Variants in VEPH1 observed in about 807,000 individuals in gnomAD.
The protein encoded by VEPH1 is ventricular zone expressed PH domain containing 1, also known as ventricular zone-expressed PH domain-containing protein homolog 1.
Under a neutral mutation model 85.2 loss-of-function variants are expected in VEPH1, and 80 were observed. That is an observed-to-expected ratio of 0.94 (90% CI 0.78 to 1.13). The LOEUF is 1.13. VEPH1 is among the 50% of genes most tolerant of loss of function. The pLI, the probability that VEPH1 is intolerant of heterozygous loss-of-function variation, is 0.00. For synonymous variants in VEPH1, 297 were observed against 348.0 expected, an observed-to-expected ratio of 0.85 and a Z score of 1.63; for missense variants, 955 against 980.5, an observed-to-expected ratio of 0.97 and a Z score of 0.35.
chr3:157,321,854 TCTCCTAGATTG>T (rs1172010472), intron 9 of VEPH1, among the ~76,000 whole-genome samples: 1 of 152,174 alleles, frequency 6.6e-6, no homozygotes, highest in Non-Finnish European at 1.5e-5. Flanking sequence ...ATTAACTTTC[TCTCCTAGATTG>T]TGAGCTCCAT....
chr3:157,437,926 A>G (rs907048199), intron 4 of VEPH1: 176 of 1,528,250 alleles, frequency 1.2e-4, no homozygotes, highest in Non-Finnish European at 1.4e-4. Flanking sequence ...TAAGGAGGCA[A>G]GCGGGGCCGG....
chr3:157,301,362 T>C (rs1318856372), intron 11 of VEPH1, among the ~76,000 whole-genome samples: 1 of 152,120 alleles, frequency 6.6e-6, no homozygotes. Context: ...AATAACCTTT[T>C]TTTGTTTTGT....
At chr3:157,453,442 C>T (rs908301593) in intron 4 of VEPH1, among the ~76,000 whole-genome samples, 2 of 151,996 alleles carry the variant, frequency 1.3e-5, no homozygotes, top group African/African-American at 2.4e-5. Flanking sequence ...ATGATATAAT[C>T]GGTATAAATG....
intron 11 of VEPH1, among the ~76,000 whole-genome samples, chr3:157,304,481 A>G (rs1719244669): frequency 6.6e-6 from 1 of 152,092 alleles, no homozygotes; most frequent in Non-Finnish European, 1.5e-5. Flanking sequence ...TAATCCTTCA[A>G]TCAACTTTGT....
chr3:157,425,294 G>A (rs1447779798), intron 5 of VEPH1, among the ~76,000 whole-genome samples: 2 of 152,246 alleles, frequency 1.3e-5, no homozygotes, highest in Admixed American at 6.5e-5. Context: ...GAAGTTTGCT[G>A]CAGGGGTAGG....
At chr3:157,437,891 C>A (rs1293240381) in intron 4 of VEPH1, 1 of 1,520,088 alleles carries the variant, frequency 6.6e-7, no homozygotes, top group Non-Finnish European at 8.8e-7. Context: ...CAGGGCTGGG[C>A]TGCCCGGAGC....
intron 2 of VEPH1, among the ~76,000 whole-genome samples, chr3:157,485,686 T>C (rs1189864453): frequency 6.6e-6 from 1 of 151,682 alleles, no homozygotes; most frequent in Non-Finnish European, 1.5e-5. Flanking sequence ...TAAGTATGAG[T>C]TGACTAAATT....
At chr3:157,382,989 C>G (rs905992094) in intron 6 of VEPH1, among the ~76,000 whole-genome samples, 1 of 152,016 alleles carries the variant, frequency 6.6e-6, no homozygotes, top group African/African-American at 2.4e-5. Context: ...TGCCACCACA[C>G]TCAGCTATTT....
At chr3:157,321,312 T>C (rs886367395) in intron 9 of VEPH1, among the ~76,000 whole-genome samples, 2 of 152,118 alleles carry the variant, frequency 1.3e-5, no homozygotes, top group Non-Finnish European at 2.9e-5. Flanking sequence ...CATGAATATG[T>C]TTGCTGAAAC....
rs781622290 is a variant in VEPH1, at chr3:157,470,313, C to T, written c.354+1G>A. The stretch of plus-strand genomic sequence containing the variant: ...TAGCCTGATGTTGAACACTGACATA[C>T]CTGTAAAATGCAACTCATGATATCA... On this transcript the variant is annotated splice_donor_variant, in intron 3 of 13. Transcript: ENST00000362010. LOFTEE classifies it high-confidence loss of function. 12 of 1,613,836 alleles carry T rather than the reference C, an allele frequency of 7.4e-6. No individual in the cohort carries two copies. In the East Asian group the frequency reaches 1.3e-4, roughly 18 times the overall value.
intron 12 of VEPH1, among the ~76,000 whole-genome samples, chr3:157,270,801 A>G (rs1714447555): frequency 6.6e-6 from 1 of 152,080 alleles, no homozygotes; most frequent in Non-Finnish European, 1.5e-5. Context: ...CATCTAGGGA[A>G]GATATGGCAT....
intron 12 of VEPH1, among the ~76,000 whole-genome samples, chr3:157,268,584 T>C (rs1648553143): frequency 6.6e-6 from 1 of 152,190 alleles, no homozygotes; most frequent in South Asian, 2.1e-4. Flanking sequence ...TAAATTACAA[T>C]TTTCTAATCA....
chr3:157,347,302 G>T (rs991322490), intron 9 of VEPH1, among the ~76,000 whole-genome samples: 1 of 152,154 alleles, frequency 6.6e-6, no homozygotes, highest in Non-Finnish European at 1.5e-5. Context: ...AGTCTTAACT[G>T]TCTACATTTC....
At chr3:157,437,992 C>A in intron 4 of VEPH1, 1 of 1,478,318 alleles carries the variant, frequency 6.8e-7, no homozygotes, top group Non-Finnish European at 8.9e-7. Flanking sequence ...CCAAGCCAGG[C>A]AACCTTCTAG....
intron 6 of VEPH1, among the ~76,000 whole-genome samples, chr3:157,409,479 C>T (rs558261667): frequency 6.6e-6 from 1 of 152,256 alleles, no homozygotes; most frequent in South Asian, 2.1e-4. Flanking sequence ...ATGGCCTCCA[C>T]AGTGACACAA....
chr3:157,380,350 AC>A (rs759405181), intron 7 of VEPH1, among the ~76,000 whole-genome samples: 91 of 152,328 alleles, frequency 6.0e-4, no homozygotes, highest in Non-Finnish European at 1.0e-3. Flanking sequence ...ACAAAGCTCC[AC>A]AATCACTCCT....
At chr3:157,437,983 C>CAAGCCAGGCAACCT in intron 4 of VEPH1, 20 of 1,491,956 alleles carry the variant, frequency 1.3e-5, no homozygotes, top group Non-Finnish European at 1.8e-5. Flanking sequence ...AACGGCAAGC[C>CAAGCCAGGCAACCT]AAGCCAGGCA....
chr3:157,323,044 A>C (rs1248648237), intron 9 of VEPH1, among the ~76,000 whole-genome samples: 3 of 152,214 alleles, frequency 2.0e-5, no homozygotes, highest in African/African-American at 7.2e-5. Flanking sequence ...AAAAAAATGG[A>C]AGAAGGCATC....
chr3:157,315,383 T>TA (rs1720639407), intron 10 of VEPH1, among the ~76,000 whole-genome samples: 1 of 152,062 alleles, frequency 6.6e-6, no homozygotes, highest in African/African-American at 2.4e-5. Context: ...ATTATTATTA[T>TA]AAAAAACTGA....
Sources: allele counts gnomAD v4.1 joint callset (sites outside exome capture counted in the v4.1 genomes callset), GRCh38; gene constraint gnomAD v4.1.1; transcripts MANE v1.5; gene names NCBI Gene and HGNC (gene_info 2026-07-23, HGNC 2026-07-21).